The following SHANK2 variants were observed in gnomAD, a reference collection of about 807,000 sequenced individuals.
SHANK2 encodes SH3 and multiple ankyrin repeat domains protein 2.
In SHANK2, 43 loss-of-function variants were observed where a neutral mutation model predicts 133.7. That is an observed-to-expected ratio of 0.32 (90% confidence interval 0.25 to 0.41). SHANK2 has a LOEUF of 0.41. Among genes scored for constraint, SHANK2 ranks in the 10% least tolerant of loss-of-function variants. The pLI, the probability that SHANK2 is intolerant of heterozygous loss-of-function variation, is 1.00. For missense variants in SHANK2, 1,994 were observed against 2,235.8 expected, an observed-to-expected ratio of 0.89 and a Z score of 2.18; for synonymous variants, 1,017 against 952.8, an observed-to-expected ratio of 1.07 and a Z score of -1.24.
chr11:71,201,795 C>T (rs1014813845), intron 2 of SHANK2, among the ~76,000 whole-genome samples: 7 of 152,062 alleles, frequency 4.6e-5, no homozygotes, highest in African/African-American at 7.2e-5. Flanking sequence ...CACCAGGAGA[C>T]GGGGGATGAA....
intron 3 of SHANK2, among the ~76,000 whole-genome samples, chr11:71,129,711 C>G (rs1265540766): frequency 1.3e-5 from 2 of 152,136 alleles, no homozygotes; most frequent in Non-Finnish European, 1.5e-5. Flanking sequence ...ACATGAGTTA[C>G]AAGTATTCTG....
chr11:71,228,541 C>A (rs1025215831), intron 1 of SHANK2, among the ~76,000 whole-genome samples: 1 of 152,116 alleles, frequency 6.6e-6, no homozygotes, highest in Admixed American at 6.6e-5. Context: ...TTGCATTACC[C>A]GAGGTCAGGA....
At chr11:70,736,598 C>T (rs1555033626) in intron 14 of SHANK2, among the ~76,000 whole-genome samples, 1 of 152,194 alleles carries the variant, frequency 6.6e-6, no homozygotes, top group East Asian at 1.9e-4. Context: ...GAAGGACCCT[C>T]CCCTAGCAAC....
chr11:70,719,041 G>A (rs116732834), intron 14 of SHANK2, among the ~76,000 whole-genome samples: 3 of 152,320 alleles, frequency 2.0e-5, no homozygotes, highest in Admixed American at 6.5e-5. Context: ...CAGTAGGCAC[G>A]CAAGGAAGAT....
intron 2 of SHANK2, among the ~76,000 whole-genome samples, chr11:71,159,884 G>A (rs12290753): frequency 0.064 from 9,670 of 151,772 alleles, 668 homozygotes; most frequent in African/African-American, 0.17. Context: ...CTACTTGGGA[G>A]GCTGAGGCAG....
rs572337390 is a variant in SHANK2 at position 70,912,290 on chromosome 11, A to AT, written c.1108-15724dup. On this transcript the variant is annotated intron_variant, in intron 10 of 25. Coordinates refer to ENST00000601538, the MANE Select transcript of SHANK2 (RefSeq NM_012309.5). ...ATCATGCTTATGGGGTATCAACTACATTTTTTAAAATTGGACTAGTTGGGT... is the reference window on the plus strand; with the variant it reads ...ATCATGCTTATGGGGTATCAACTACATTTTTTTAAAATTGGACTAGTTGGGT... Among the ~76,000 whole-genome samples, 29 of 152,212 alleles carry AT rather than the reference A, an allele frequency of 1.9e-4. No individual in the cohort carries two copies. In the East Asian group the frequency reaches 3.9e-3, roughly 20 times the overall value.
intron 17 of SHANK2, among the ~76,000 whole-genome samples, chr11:70,646,984 C>T (rs1471795531): frequency 6.6e-6 from 1 of 152,014 alleles, no homozygotes; most frequent in Non-Finnish European, 1.5e-5. Flanking sequence ...GCCTCAGCCT[C>T]CCGAGTAGCT....
At chr11:70,833,561 G>A (rs1948763327) in intron 11 of SHANK2, among the ~76,000 whole-genome samples, 1 of 152,214 alleles carries the variant, frequency 6.6e-6, no homozygotes, top group South Asian at 2.1e-4. Context: ...CAAGGTAACT[G>A]TCCATGAGTC....
intron 2 of SHANK2, among the ~76,000 whole-genome samples, chr11:71,183,389 G>A (rs1450624013): frequency 5.3e-5 from 8 of 152,054 alleles, no homozygotes; most frequent in South Asian, 2.1e-4. Flanking sequence ...GGTACTACCC[G>A]CAGTCCCAGC....
chr11:70,822,614 T>G (rs1555056236), intron 11 of SHANK2, among the ~76,000 whole-genome samples: 1 of 127,588 alleles, frequency 7.8e-6, no homozygotes, highest in Non-Finnish European at 1.6e-5. Context: ...CTGGCAGAGT[T>G]CACGGGGGAC....
chr11:71,245,134 C>A (rs1954943840), intron 1 of SHANK2, among the ~76,000 whole-genome samples: 1 of 152,058 alleles, frequency 6.6e-6, no homozygotes, highest in Admixed American at 6.6e-5. Context: ...GTGCGTGCCA[C>A]TACACCTGGC....
chr11:70,748,357 G>GAGGA (rs1565289499), intron 14 of SHANK2, among the ~76,000 whole-genome samples: 2 of 152,140 alleles, frequency 1.3e-5, no homozygotes. Context: ...TGGCAAGAGT[G>GAGGA]AGGAAGTCAA....
intron 2 of SHANK2, among the ~76,000 whole-genome samples, chr11:71,195,690 A>G (rs556615568): frequency 6.6e-6 from 1 of 152,342 alleles, no homozygotes; most frequent in East Asian, 1.9e-4. Context: ...AACTAGACAT[A>G]AACAGAGAAA....
intron 17 of SHANK2, among the ~76,000 whole-genome samples, chr11:70,514,245 G>A (rs530534404): frequency 6.6e-6 from 1 of 152,126 alleles, no homozygotes; most frequent in Non-Finnish European, 1.5e-5. Flanking sequence ...TCTTTAACAG[G>A]TGAAAGTAAA....
At chr11:71,233,486 G>C (rs575718795) in intron 1 of SHANK2, among the ~76,000 whole-genome samples, 11 of 152,276 alleles carry the variant, frequency 7.2e-5, no homozygotes, top group African/African-American at 2.6e-4. Flanking sequence ...AGATCAGAGT[G>C]GGGAGCAATG....
chr11:71,193,500 G>A (rs1427756375), intron 2 of SHANK2, among the ~76,000 whole-genome samples: 3 of 152,202 alleles, frequency 2.0e-5, no homozygotes, highest in Non-Finnish European at 4.4e-5. Flanking sequence ...GAAGGGTTGA[G>A]GTCTCTGTCA....
intron 11 of SHANK2, among the ~76,000 whole-genome samples, chr11:70,884,879 C>G (rs1949714171): frequency 6.6e-6 from 1 of 152,132 alleles, no homozygotes; most frequent in African/African-American, 2.4e-5. Flanking sequence ...TGCCACCATG[C>G]CTGGCTAATT....
At chr11:71,155,049 A>AGG (rs1952876235) in intron 2 of SHANK2, among the ~76,000 whole-genome samples, 1 of 23,410 alleles carries the variant, frequency 4.3e-5, no homozygotes, top group Non-Finnish European at 8.3e-5. Flanking sequence ...GCTCCCAGAG[A>AGG]GGTGGACCTA....
intron 17 of SHANK2, among the ~76,000 whole-genome samples, chr11:70,585,851 C>A (rs1488358953): frequency 7.3e-6 from 1 of 136,442 alleles, no homozygotes; most frequent in Non-Finnish European, 1.6e-5. Context: ...CCCACCCATG[C>A]ATTTGTCCAT....
Sources: gnomAD v4.1 joint callset for allele counts (sites outside exome capture counted in the v4.1 genomes callset) on GRCh38, gnomAD v4.1.1 for gene constraint, MANE v1.5 for transcripts, NCBI Gene and HGNC (gene_info 2026-07-23, HGNC 2026-07-21) for gene names.